Variants in ISLR2 observed in about 807,000 individuals in gnomAD.
The protein encoded by ISLR2 is immunoglobulin superfamily containing leucine-rich repeat protein 2.
ISLR2 carries 16 observed loss-of-function variants against 25.5 expected under a neutral mutation model. The ratio of observed to expected loss-of-function variants is 0.63; its 90% confidence interval spans 0.43 to 0.95. ISLR2 has a LOEUF of 0.95. Ranked by LOEUF, ISLR2 falls within the 40% of genes least tolerant of loss-of-function variation. ISLR2 has a pLI of 0.00. For synonymous variants in ISLR2, 508 were observed against 486.6 expected, an observed-to-expected ratio of 1.04 and a Z score of -0.58; for missense variants, 883 against 1,030.7, an observed-to-expected ratio of 0.86 and a Z score of 1.96.
chr15:74,102,397 A>C (rs2141923373), intron 1 of ISLR2, among the ~76,000 whole-genome samples: 1 of 137,416 alleles, frequency 7.3e-6, no homozygotes, highest in South Asian at 2.7e-4. Context: ...AGACAGACAA[A>C]ATATTTAAAT....
At chr15:74,102,930 T>C (rs1039784331) in intron 1 of ISLR2, among the ~76,000 whole-genome samples, 1 of 151,402 alleles carries the variant, frequency 6.6e-6, no homozygotes, top group Non-Finnish European at 1.5e-5. Context: ...GCCTCAGCCT[T>C]CTGAGTAGCT....
chr15:74,132,816 C>A lies in ISLR2; in HGVS notation c.62C>A (p.Pro21Gln). ...CTTCTAGGAGTGGCCGGATCATGCC[C>A]GGAGCCGTGCGCCTGCGTGGACAAG... is the stretch of plus-strand genomic sequence containing the variant. ...WALLGVAGSC[P>Q]EPCACVDKYA... Residue 21 changes from proline (P) to glutamine (Q), a missense_variant, in exon 3 of 3, where the codon CCG becomes CAG. Around this residue, in one of 2 missense-constraint regions of ISLR2, gnomAD observed 271 missense variants for 387.9 expected, o/e 0.70. Coordinates refer to ENST00000453268, the MANE Select transcript of ISLR2 (RefSeq NM_020851.3). The surrounding 1 kb of genome is among the most constrained non-coding windows in gnomAD (Gnocchi z 4.3). 6.2e-7 allele frequency: 1 copy of A among 1,614,086 alleles called. No homozygotes were observed. The highest frequency in any genetic ancestry group is 8.5e-7 in the Non-Finnish European group (1 of 1,179,952).
intron 2 of ISLR2, among the ~76,000 whole-genome samples, chr15:74,115,859 C>A (rs1235745299): frequency 4.4e-4 from 61 of 137,602 alleles, no homozygotes; most frequent in Non-Finnish European, 8.0e-4. Context: ...AAAATCTGAA[C>A]ATGATGAGAA....
chr15:74,132,354 G>A lies in ISLR2; in HGVS notation c.-8-393G>A, dbSNP rs2072440149. On this transcript the variant is annotated intron_variant, in intron 2 of 2. Coordinates refer to ENST00000453268, the MANE Select transcript of ISLR2 (RefSeq NM_020851.3). The surrounding 1 kb of genome is among the most constrained non-coding windows in gnomAD (Gnocchi z 4.3). ...GGTTCCAGGGAGGACAGCCAGTCAC[G>A]GACAAAAATGTCCTTCTTGGGTAGG... is the stretch of plus-strand genomic sequence containing the variant. Among the ~76,000 whole-genome samples, 1 of 152,162 alleles carries A rather than the reference G, an allele frequency of 6.6e-6. No individual in the cohort carries two copies. Among genetic ancestry groups the A allele is most frequent in the Non-Finnish European group, 1.5e-5 (1 of 68,028 alleles).
rs2072446575 is a variant in ISLR2 at position 74,132,579 on chromosome 15, C to T, written c.-8-168C>T. Among the ~76,000 whole-genome samples, 1 of 152,158 alleles carries T rather than the reference C, an allele frequency of 6.6e-6. No individual in the cohort carries two copies. Among genetic ancestry groups the T allele is most frequent in the South Asian group, 2.1e-4 (1 of 4,828 alleles). On this transcript the variant is annotated intron_variant, in intron 2 of 2. Transcript: ENST00000453268. The surrounding 1 kb of genome is among the most constrained non-coding windows in gnomAD (Gnocchi z 4.3). ...CTGGGAGGGAGCATCCGTTGAACCTCGAGATTTTTATTGACCTTCACTTCA... is the reference window on the plus strand; with the variant it reads ...CTGGGAGGGAGCATCCGTTGAACCTTGAGATTTTTATTGACCTTCACTTCA...
intron 2 of ISLR2, among the ~76,000 whole-genome samples, chr15:74,115,678 G>C (rs910435910): frequency 1.3e-5 from 2 of 151,400 alleles, no homozygotes; most frequent in African/African-American, 2.4e-5. Context: ...CTGGGTGACA[G>C]AGTAAGACCC....
downstream of ISLR2, among the ~76,000 whole-genome samples, chr15:74,141,223 G>C (rs1180565888): frequency 6.6e-6 from 1 of 152,188 alleles, no homozygotes. Context: ...GAGAGAAAAA[G>C]TGTTTGTATT....
At chr15:74,116,400 C>CAA (rs1459513461) in intron 2 of ISLR2, among the ~76,000 whole-genome samples, 1 of 84,296 alleles carries the variant, frequency 1.2e-5, no homozygotes. Flanking sequence ...CTCATCTCTA[C>CAA]AAAAAAAAAA....
downstream of ISLR2, chr15:74,138,288 C>CTTTTTTTTTTT (rs34518777): frequency 7.6e-5 from 7 of 91,672 alleles, no homozygotes; most frequent in Non-Finnish European, 6.4e-5. Context: ...TTTCTTTTCT[C>CTTTTTTTTTTT]TTTTTTTTTT....
upstream of ISLR2, chr15:74,128,503 T>G: frequency 4.4e-6 from 2 of 456,380 alleles, no homozygotes; most frequent in Non-Finnish European, 8.8e-6. Flanking sequence ...GGAAAGGGGG[T>G]CTTCCCTGGT....
At chr15:74,116,888 T>C (rs143489073) in intron 2 of ISLR2, among the ~76,000 whole-genome samples, 3,244 of 152,300 alleles carry the variant, frequency 0.021, 116 homozygotes, top group African/African-American at 0.073. Context: ...CTTCCTACTA[T>C]AGTGGCTCAT....
intron 2 of ISLR2, among the ~76,000 whole-genome samples, chr15:74,113,624 T>C (rs184015601): frequency 9.2e-5 from 14 of 152,350 alleles, no homozygotes; most frequent in Non-Finnish European, 5.9e-5. Flanking sequence ...AAATTGCTGT[T>C]GGGTTAACTT....
chr15:74,117,191 C>T (rs1304025680), intron 2 of ISLR2, among the ~76,000 whole-genome samples: 1 of 152,160 alleles, frequency 6.6e-6, no homozygotes, highest in Non-Finnish European at 1.5e-5. Flanking sequence ...ACCCCAGATC[C>T]CTTTGGAGAA....
downstream of ISLR2, among the ~76,000 whole-genome samples, chr15:74,140,114 C>T (rs985575758): frequency 6.6e-6 from 1 of 152,006 alleles, no homozygotes; most frequent in South Asian, 2.1e-4. Context: ...TCCTAAAGAT[C>T]AGCTGAAATG....
chr15:74,102,136 T>C (rs2072085361), intron 1 of ISLR2, among the ~76,000 whole-genome samples: 1 of 133,966 alleles, frequency 7.5e-6, no homozygotes, highest in African/African-American at 2.9e-5. Flanking sequence ...AAGAATCGCT[T>C]GAACCCGGGA....
Position 74,132,959 on chromosome 15 carries a change from G to C in ISLR2, c.205G>C (p.Gly69Arg). ...SANKITVLRRGAFADVTQVTS... is the reference protein window; with the variant it reads ...SANKITVLRRRAFADVTQVTS... ...GAACAAGATCACTGTGCTGCGGCGCGGGGCCTTCGCCGACGTCACACAGGT... is the reference window on the plus strand; with the variant it reads ...GAACAAGATCACTGTGCTGCGGCGCCGGGCCTTCGCCGACGTCACACAGGT... Residue 69 changes from glycine to arginine, a missense_variant, in exon 3 of 3, where the codon GGG becomes CGG. Gly to Arg is a moderately radical substitution (Grantham distance 125). This residue lies in a region of ISLR2 where 271 missense variants were observed against 387.9 expected (regional missense o/e 0.70). Coordinates refer to ENST00000453268, the MANE Select transcript of ISLR2 (RefSeq NM_020851.3). The surrounding 1 kb of genome is among the most constrained non-coding windows in gnomAD (Gnocchi z 4.3). 1.9e-6 allele frequency: 3 copies of C among 1,614,024 alleles called. No homozygotes were observed. The highest frequency in any genetic ancestry group is 2.5e-6 in the Non-Finnish European group (3 of 1,179,936).
chr15:74,135,483 TTTTA>T lies in ISLR2; in HGVS notation c.*495_*498del, dbSNP rs2072549230. The T allele has an allele frequency of 6.0e-6, 1 of 166,840 alleles. No individual in the cohort carries two copies. The highest frequency in any genetic ancestry group is 1.5e-5 in the Non-Finnish European group (1 of 68,270). The allele number at this position is 166,840 out of a possible 1,614,324, so 10.3% of individuals were successfully genotyped here. A position where few individuals can be genotyped will look rare whatever the true frequency, so the allele number is the denominator to read the frequency against. On this transcript the variant is annotated 3_prime_UTR_variant, in exon 3 of 3. Coordinates refer to ENST00000453268, the MANE Select transcript of ISLR2 (RefSeq NM_020851.3). Reference sequence around the variant, plus strand: ...TCCTCCCTTTCTTTCTTTCCTTTTTTTTTATTTTTTAATTTTATTTATTTATTTA... The same window carrying T: ...TCCTCCCTTTCTTTCTTTCCTTTTTTTTTTTTAATTTTATTTATTTATTTA...
chr15:74,133,016 C>G lies in ISLR2; in HGVS notation c.262C>G (p.Arg88Gly). The G allele has an allele frequency of 1.2e-6, 2 of 1,613,146 alleles. No homozygotes were observed. The highest frequency in any genetic ancestry group is 8.5e-7 in the Non-Finnish European group (1 of 1,179,908). The change falls in exon 3 of 3, where the codon CGC (arginine) becomes GGC (glycine). Residue 88 changes from arginine to glycine, a missense_variant. By Grantham distance (125) the Arg-to-Gly change is moderately radical. Around this residue, in one of 2 missense-constraint regions of ISLR2, gnomAD observed 271 missense variants for 387.9 expected, o/e 0.70. Transcript: ENST00000453268. ...TSLWLAHNEV[R>G]TVEPGALAVL... ...GCTGTGGCTGGCGCACAATGAGGTG[C>G]GCACCGTGGAGCCAGGCGCACTGGC...
downstream of ISLR2, among the ~76,000 whole-genome samples, chr15:74,139,574 C>G (rs2072599597): frequency 6.6e-6 from 1 of 152,104 alleles, no homozygotes; most frequent in Non-Finnish European, 1.5e-5. Flanking sequence ...CATTCCACTC[C>G]CCGCTTCCAG....
Sources: allele counts gnomAD v4.1 joint callset (sites outside exome capture counted in the v4.1 genomes callset), GRCh38; gene constraint gnomAD v4.1.1; regional missense constraint gnomAD v4.1.1; non-coding constraint Gnocchi (gnomAD v3.1); transcripts MANE v1.5; gene names NCBI Gene and HGNC (gene_info 2026-07-23, HGNC 2026-07-21).